Variants in GOLPH3 observed in about 807,000 individuals in gnomAD.
The protein encoded by GOLPH3 is golgi phosphoprotein 3.
Under a neutral mutation model 28.5 loss-of-function variants are expected in GOLPH3, and 14 were observed. The observed-to-expected ratio is 0.49, with a 90% CI of 0.32 to 0.77. The LOEUF is 0.77. Ranked by LOEUF, GOLPH3 falls within the 30% of genes least tolerant of loss-of-function variation. The pLI is 0.03. For missense variants in GOLPH3, 350 were observed against 393.7 expected (o/e 0.89, Z 0.94); for synonymous variants, 158 against 159.2 (o/e 0.99, Z 0.06).
chr5:32,173,140 A>C (rs1230550300), intron 1 of GOLPH3, among the ~76,000 whole-genome samples: 1 of 152,140 alleles, frequency 6.6e-6, no homozygotes, highest in Non-Finnish European at 1.5e-5. Flanking sequence ...AGACGGCAAG[A>C]CTTTGAGATT....
intron 2 of GOLPH3, among the ~76,000 whole-genome samples, chr5:32,142,892 C>T (rs1462980231): frequency 6.6e-6 from 1 of 151,496 alleles, no homozygotes; most frequent in East Asian, 1.9e-4. Context: ...TCTGCCCGGC[C>T]GCGCCTACTG....
chr5:32,129,879 T>C (rs1745785795), intron 3 of GOLPH3, among the ~76,000 whole-genome samples: 1 of 151,946 alleles, frequency 6.6e-6, no homozygotes, highest in Non-Finnish European at 1.5e-5. Flanking sequence ...TCTCACTCTG[T>C]CGCCCAGGCT....
At chr5:32,152,422 C>A (rs1581549365) in intron 1 of GOLPH3, among the ~76,000 whole-genome samples, 2 of 126,400 alleles carry the variant, frequency 1.6e-5, no homozygotes, top group Admixed American at 1.8e-4. Context: ...ACCGCGCCTG[C>A]CCCCCCCAGC....
chr5:32,152,041 G>A (rs536314836), intron 1 of GOLPH3, among the ~76,000 whole-genome samples: 11 of 152,230 alleles, frequency 7.2e-5, no homozygotes, highest in South Asian at 6.2e-4. Flanking sequence ...TGGTGATGAC[G>A]GCACAGTGTG....
At chr5:32,136,414 G>A (rs1745932685) in intron 2 of GOLPH3, among the ~76,000 whole-genome samples, 1 of 151,604 alleles carries the variant, frequency 6.6e-6, no homozygotes. Context: ...CCAGGAGGCA[G>A]AGGTTGCAGC....
At chr5:32,149,735 G>A (rs965342002) in intron 1 of GOLPH3, among the ~76,000 whole-genome samples, 3 of 152,274 alleles carry the variant, frequency 2.0e-5, no homozygotes, top group East Asian at 3.9e-4. Flanking sequence ...TGTGGCTCAC[G>A]CCTGTAATCT....
At position 32,162,310 on chromosome 5, in the gene GOLPH3, A is replaced by G. The variant is rs1053750615; in HGVS notation, c.225+11500T>C. On this transcript the variant is annotated intron_variant, in intron 1 of 3. Coordinates refer to ENST00000265070, the MANE Select transcript of GOLPH3 (RefSeq NM_022130.4). Reference sequence around the variant, plus strand: ...GATAGAGACCATCCTGGCTAACACGATGAAACCCCGTCTCAACTAAAAATA... The same window carrying G: ...GATAGAGACCATCCTGGCTAACACGGTGAAACCCCGTCTCAACTAAAAATA... 1.3e-4 allele frequency among the ~76,000 whole-genome samples: 19 copies of G among 150,244 alleles called. 1 individual carries two copies. The highest frequency in any genetic ancestry group is 3.9e-4 in the East Asian group (2 of 5,072).
At chr5:32,126,700 G>C (rs1745689927) in intron 3 of GOLPH3, 64 bp from the exon 4 acceptor site, 1 of 1,312,470 alleles carries the variant, frequency 7.6e-7, no homozygotes, top group South Asian at 1.4e-5. Context: ...CAAAAATTTT[G>C]TACTATTAAA....
In GOLPH3 at chr5:32,174,143, G is replaced by T; in HGVS notation, c.-109C>A. 2 of 717,312 alleles carry T rather than the reference G, an allele frequency of 2.8e-6. No individual in the cohort carries two copies. Among genetic ancestry groups the T allele is most frequent in the East Asian group, 3.6e-5 (1 of 27,688 alleles). The allele number at this position is 717,312 out of a possible 1,614,324, so 44.4% of individuals were successfully genotyped here. A position where few individuals can be genotyped will look rare whatever the true frequency, so the allele number is the denominator to read the frequency against. On this transcript the variant is annotated 5_prime_UTR_variant, in exon 1 of 4. Coordinates refer to ENST00000265070, the MANE Select transcript of GOLPH3 (RefSeq NM_022130.4). ...CCGGGTTTCCGTGTTAAATCCGGAC[G>T]CCGGGGCGACGTCCGTCGGCAGCAG...
At chr5:32,144,801 C>T (rs1425279312) in intron 1 of GOLPH3, among the ~76,000 whole-genome samples, 1 of 152,170 alleles carries the variant, frequency 6.6e-6, no homozygotes, top group African/African-American at 2.4e-5. Flanking sequence ...GGATACTGGT[C>T]AAGCAGGCAT....
chr5:32,141,800 CGCTGTGTTGGCCGGGCTGGTCTCCA>C (rs1746068351), intron 2 of GOLPH3, among the ~76,000 whole-genome samples: 2 of 152,084 alleles, frequency 1.3e-5, no homozygotes, highest in Admixed American at 6.5e-5. Context: ...GACGGGGATT[CGCTGTGTTGGCCGGGCTGGTCTCCA>C]GCTCCTAACC....
rs1235188952 is a variant in GOLPH3 at position 32,126,009 on chromosome 5, C to CT, written c.*202dup. The CT allele has an allele frequency of 3.9e-6, 2 of 517,426 alleles. No homozygotes were observed. The highest frequency in any genetic ancestry group is 2.0e-5 in the African/African-American group (1 of 51,094). 32.1% of individuals were successfully genotyped at this position (517,426 alleles called of 1,614,324 possible). A position where few individuals can be genotyped will look rare whatever the true frequency, so the allele number is the denominator to read the frequency against. ...ATGGAATGCCAATATGGCAGTAAAA[C>CT]TTTTTTTAAAAACAGAAAGAGGAAG... is the stretch of plus-strand genomic sequence containing the variant. On this transcript the variant is annotated 3_prime_UTR_variant, in exon 4 of 4. Transcript: ENST00000265070.
At chr5:32,163,235 A>AT (rs1746631964) in intron 1 of GOLPH3, among the ~76,000 whole-genome samples, 1 of 152,248 alleles carries the variant, frequency 6.6e-6, no homozygotes, top group Non-Finnish European at 1.5e-5. Flanking sequence ...CATCCTCCCT[A>AT]TGTACATCCT....
intron 2 of GOLPH3, among the ~76,000 whole-genome samples, chr5:32,138,377 AATTTT>A (rs933386395): frequency 1.2e-4 from 18 of 152,154 alleles, no homozygotes; most frequent in Admixed American, 2.6e-4. Context: ...TCTATTCTTC[AATTTT>A]ATTTTATTTT....
At chr5:32,129,631 T>C (rs1745779597) in intron 3 of GOLPH3, among the ~76,000 whole-genome samples, 1 of 152,134 alleles carries the variant, frequency 6.6e-6, no homozygotes, top group African/African-American at 2.4e-5. Context: ...GAGTAAGAAA[T>C]GACTCTGGTT....
At chr5:32,166,386 A>G (rs915961172) in intron 1 of GOLPH3, among the ~76,000 whole-genome samples, 5 of 152,238 alleles carry the variant, frequency 3.3e-5, no homozygotes, top group South Asian at 2.1e-4. Flanking sequence ...ACTAGATTAC[A>G]TTGTAATACT....
At chr5:32,148,338 A>G (rs1186036067) in intron 1 of GOLPH3, among the ~76,000 whole-genome samples, 1 of 152,252 alleles carries the variant, frequency 6.6e-6, no homozygotes, top group Non-Finnish European at 1.5e-5. Flanking sequence ...ACTACGTTAT[A>G]TGAATGTTCA....
chr5:32,172,561 G>A (rs1746862833), intron 1 of GOLPH3, among the ~76,000 whole-genome samples: 1 of 152,104 alleles, frequency 6.6e-6, no homozygotes, highest in Admixed American at 6.6e-5. Flanking sequence ...TGGGCATGGC[G>A]GCGCACGTCT....
At chr5:32,131,927 G>C (rs1386001427) in intron 3 of GOLPH3, among the ~76,000 whole-genome samples, 1 of 152,188 alleles carries the variant, frequency 6.6e-6, no homozygotes, top group East Asian at 1.9e-4. Flanking sequence ...TAAGATTTCA[G>C]AAGCTAAAAA....
Sources: gnomAD v4.1 joint callset for allele counts (sites outside exome capture counted in the v4.1 genomes callset) on GRCh38, gnomAD v4.1.1 for gene constraint, MANE v1.5 for transcripts, NCBI Gene and HGNC (gene_info 2026-07-23, HGNC 2026-07-21) for gene names.